The following DGKB variants were observed in gnomAD, a reference collection of about 807,000 sequenced individuals.
The protein encoded by DGKB is diacylglycerol kinase beta, also known as 90 kDa diacylglycerol kinase.
A neutral mutation model predicts 114.3 loss-of-function variants in DGKB; 67 were observed. That is an observed-to-expected ratio of 0.59 (90% confidence interval 0.48 to 0.72). The LOEUF (loss-of-function observed/expected upper bound fraction) is 0.72, where lower values mean the gene tolerates loss of function less well. Among genes scored for constraint, DGKB ranks in the 30% least tolerant of loss-of-function variants. The probability of loss-of-function intolerance (pLI) is 0.00; values close to 1 mark genes in which losing one functional copy is unlikely to be tolerated. For missense variants in DGKB, 907 were observed against 975.2 expected (o/e 0.93, Z 0.93); for synonymous variants, 398 against 323.1 (o/e 1.23, Z -2.49).
At chr7:14,761,405 T>A (rs906949212) in intron 2 of DGKB, among the ~76,000 whole-genome samples, 1 of 152,156 alleles carries the variant, frequency 6.6e-6, no homozygotes, top group Non-Finnish European at 1.5e-5. Context: ...TACCTTCTTT[T>A]GGGGGGAACA....
At chr7:14,315,889 C>T (rs1806384229) in intron 23 of DGKB, among the ~76,000 whole-genome samples, 1 of 150,794 alleles carries the variant, frequency 6.6e-6, no homozygotes, top group African/African-American at 2.4e-5. Context: ...GGAAGTAAAG[C>T]TCTCCTCAGC....
chr7:14,704,459 A>AAAG (rs1333532355), intron 6 of DGKB, among the ~76,000 whole-genome samples: 1 of 144,274 alleles, frequency 6.9e-6, no homozygotes, highest in African/African-American at 2.9e-5. Context: ...AAAAAAAAAA[A>AAAG]AAAAAGAAAA....
At chr7:14,792,892 C>T (rs1030116537) in intron 2 of DGKB, among the ~76,000 whole-genome samples, 3 of 152,110 alleles carry the variant, frequency 2.0e-5, no homozygotes, top group African/African-American at 7.2e-5. Flanking sequence ...ACTTTTAATT[C>T]ATTGAATTCG....
chr7:14,677,866 C>T (rs1216796148), intron 12 of DGKB, among the ~76,000 whole-genome samples: 2 of 151,922 alleles, frequency 1.3e-5, no homozygotes, highest in Non-Finnish European at 1.5e-5. Flanking sequence ...CTAAGCTTTT[C>T]GTATTTTTAA....
At chr7:14,755,298 T>C (rs892609407) in intron 3 of DGKB, among the ~76,000 whole-genome samples, 1 of 152,146 alleles carries the variant, frequency 6.6e-6, no homozygotes, top group African/African-American at 2.4e-5. Flanking sequence ...GTTAAATTTT[T>C]ATCCCCAGCA....
intron 1 of DGKB, among the ~76,000 whole-genome samples, chr7:14,918,973 G>A (rs1468890228): frequency 6.6e-6 from 1 of 151,696 alleles, no homozygotes; most frequent in African/African-American, 2.4e-5. Flanking sequence ...TGAGGCAGGA[G>A]AATCGTTTGA....
chr7:14,970,868 G>A (rs1787423051), intron 1 of DGKB, among the ~76,000 whole-genome samples: 1 of 152,272 alleles, frequency 6.6e-6, no homozygotes, highest in South Asian at 2.1e-4. Context: ...GCAGGCTGGA[G>A]TGCAGATGGA....
intron 13 of DGKB, among the ~76,000 whole-genome samples, chr7:14,640,430 T>C (rs1811547541): frequency 6.6e-6 from 1 of 152,222 alleles, no homozygotes; most frequent in South Asian, 2.1e-4. Flanking sequence ...TAATGAAGAA[T>C]AGATCACTAG....
chr7:14,245,988 T>C (rs1427959889), intron 23 of DGKB, among the ~76,000 whole-genome samples: 1 of 152,096 alleles, frequency 6.6e-6, no homozygotes, highest in Non-Finnish European at 1.5e-5. Flanking sequence ...ATGTGCTGGC[T>C]AGATTGGACT....
intron 20 of DGKB, among the ~76,000 whole-genome samples, chr7:14,540,187 A>G (rs1793192250): frequency 6.6e-6 from 1 of 152,246 alleles, no homozygotes; most frequent in South Asian, 2.1e-4. Context: ...GGGAGGTATA[A>G]TATTTGTTAT....
In DGKB at chr7:14,813,026, C is replaced by T. The variant is rs117449413; in HGVS notation, c.70+28168G>A. ...AATAAAAACAGTGAAGCAACAAATA[C>T]GATCTAAAAATAGGAGAGCAAAGCT... On this transcript the variant is annotated intron_variant, in intron 2 of 25. Coordinates refer to ENST00000402815, the MANE Select transcript of DGKB (RefSeq NM_001350709.2). Among the ~76,000 whole-genome samples the T allele has an allele frequency of 5.6e-3, 852 of 152,152 alleles. 4 individuals are homozygous for T. The highest frequency in any genetic ancestry group is 0.02 in the South Asian group (97 of 4,824).
intron 21 of DGKB, among the ~76,000 whole-genome samples, chr7:14,443,698 C>A (rs1329735358): frequency 6.6e-6 from 1 of 152,014 alleles, no homozygotes; most frequent in Non-Finnish European, 1.5e-5. Flanking sequence ...TTTCTCTCCA[C>A]TTTGTAGCTT....
chr7:14,333,487 T>C (rs541826348), intron 23 of DGKB, among the ~76,000 whole-genome samples: 20 of 150,384 alleles, frequency 1.3e-4, no homozygotes, highest in Non-Finnish European at 2.4e-4. Context: ...AAAAAATCAA[T>C]CTGTGAGAAT....
chr7:14,795,182 C>A (rs994496965), intron 2 of DGKB, among the ~76,000 whole-genome samples: 1 of 152,072 alleles, frequency 6.6e-6, no homozygotes, highest in African/African-American at 2.4e-5. Flanking sequence ...AGAACATGTA[C>A]GAAATTGATA....
chr7:14,897,273 T>C (rs955854571), intron 1 of DGKB, among the ~76,000 whole-genome samples: 8 of 151,926 alleles, frequency 5.3e-5, no homozygotes, highest in Non-Finnish European at 8.8e-5. Context: ...GAATTTAAAA[T>C]TAGAATTTTA....
At chr7:14,715,099 C>T (rs1331465804) in intron 6 of DGKB, among the ~76,000 whole-genome samples, 1 of 152,072 alleles carries the variant, frequency 6.6e-6, no homozygotes, top group Admixed American at 6.6e-5. Context: ...TAAAAATGAA[C>T]TCAGATCACT....
intron 23 of DGKB, among the ~76,000 whole-genome samples, chr7:14,313,367 T>C (rs918535986): frequency 6.6e-6 from 1 of 151,990 alleles, no homozygotes; most frequent in Non-Finnish European, 1.5e-5. Flanking sequence ...GGTACCGGGT[T>C]CATCTCACTA....
chr7:14,920,882 G>T (rs1784481969), intron 1 of DGKB, among the ~76,000 whole-genome samples: 1 of 152,008 alleles, frequency 6.6e-6, no homozygotes, highest in South Asian at 2.1e-4. Flanking sequence ...TTCTGAGTAA[G>T]CCTGAAAAGA....
rs1338918369 is a variant in DGKB, at chr7:14,419,294, G to C, written c.1835+58867C>G. On this transcript the variant is annotated intron_variant, in intron 21 of 25. Coordinates refer to ENST00000402815, the MANE Select transcript of DGKB (RefSeq NM_001350709.2). ...GATATATAACACATTTTTAAATTTA[G>C]AGTAGAAACTATAAATAAAGCTATG... Among the ~76,000 whole-genome samples, 14 of 151,984 alleles carry C rather than the reference G, an allele frequency of 9.2e-5. 3 individuals carry two copies. The East Asian group carries it at 9.7e-4, about 11-fold the overall frequency.
Sources: gnomAD v4.1 joint callset for allele counts (sites outside exome capture counted in the v4.1 genomes callset) on GRCh38, gnomAD v4.1.1 for gene constraint, MANE v1.5 for transcripts, NCBI Gene and HGNC (gene_info 2026-07-23, HGNC 2026-07-21) for gene names.